Variants in RBM28 observed in about 807,000 individuals in gnomAD.
RBM28 encodes RNA-binding protein 28.
In RBM28, 78 loss-of-function variants were observed where a neutral mutation model predicts 98.3. The observed-to-expected ratio is 0.79, with a 90% CI of 0.66 to 0.96. RBM28 has a LOEUF of 0.96. Among genes scored for constraint, RBM28 ranks in the 40% least tolerant of loss-of-function variants. The pLI, the probability that RBM28 is intolerant of heterozygous loss-of-function variation, is 0.00. For synonymous variants in RBM28, 306 were observed against 330.9 expected, an observed-to-expected ratio of 0.92 and a Z score of 0.82; for missense variants, 838 against 913.0, an observed-to-expected ratio of 0.92 and a Z score of 1.06.
At position 128,305,963 on chromosome 7, in the gene RBM28, C is replaced by T. The variant is rs1795859471; in HGVS notation, c.*4834G>A. 2.6e-5 allele frequency: 4 copies of T among 152,236 alleles called. No homozygotes were observed. Among genetic ancestry groups the T allele is most frequent in the Admixed American group, 6.5e-5 (1 of 15,284 alleles). The allele number at this position is 152,236 out of a possible 1,614,324, so 9.4% of individuals were successfully genotyped here. A position where few individuals can be genotyped will look rare whatever the true frequency, so the allele number is the denominator to read the frequency against. On this transcript the variant is annotated 3_prime_UTR_variant, in exon 19 of 19. Transcript: ENST00000223073. Reference sequence around the variant, plus strand: ...TCAGGAGATGACTGTCTGGTACATCCTTTACCACCATTATCCTCAATCACC... The same window carrying T: ...TCAGGAGATGACTGTCTGGTACATCTTTTACCACCATTATCCTCAATCACC...
chr7:128,312,992 G>A, intron 18 of RBM28, 183 bp downstream of exon 18: 2 of 638,800 alleles, frequency 3.1e-6, no homozygotes, highest in Non-Finnish European at 5.5e-6. Context: ...CAGATACGTG[G>A]AGGTTCATTT....
chr7:128,332,488 G>A (rs550651541), intron 9 of RBM28, among the ~76,000 whole-genome samples: 1 of 151,976 alleles, frequency 6.6e-6, no homozygotes, highest in South Asian at 2.1e-4. Context: ...CCGAGTAGCT[G>A]GGATTACAGG....
chr7:128,317,195 A>G (rs1015682420), intron 16 of RBM28, among the ~76,000 whole-genome samples: 1 of 152,252 alleles, frequency 6.6e-6, no homozygotes, highest in African/African-American at 2.4e-5. Context: ...AAAAGGGCAG[A>G]GCCAGAGTAT....
chr7:128,300,187 T>C lies in RBM28; in HGVS notation c.*10610A>G, dbSNP rs970907565. 6.6e-6 allele frequency: 1 copy of C among 152,196 alleles called. No homozygotes were observed. The highest frequency in any genetic ancestry group is 2.4e-5 in the African/African-American group (1 of 41,438). The allele number at this position is 152,196 out of a possible 1,614,324, so 9.4% of individuals were successfully genotyped here. On this transcript the variant is annotated 3_prime_UTR_variant, in exon 19 of 19. Coordinates refer to ENST00000223073, the MANE Select transcript of RBM28 (RefSeq NM_018077.3). ...TGGCACATTTCACCCCTCCTCTCTT[T>C]GTGATTGGTTTTCACAAAGAAGCTC...
intron 1 of RBM28, among the ~76,000 whole-genome samples, chr7:128,342,537 C>T (rs181692257): frequency 2.6e-5 from 4 of 152,172 alleles, no homozygotes; most frequent in African/African-American, 9.7e-5. Context: ...CAAAAATTAG[C>T]CAGGTGTAGT....
At chr7:128,318,673 A>C (rs1425012917) in intron 14 of RBM28, among the ~76,000 whole-genome samples, 1 of 152,210 alleles carries the variant, frequency 6.6e-6, no homozygotes, top group African/African-American at 2.4e-5. Context: ...AAAAGCACAT[A>C]AACAAAACTT....
rs1795785588 is a variant in RBM28 at position 128,301,824 on chromosome 7, C to T, written c.*8973G>A. 6.6e-6 allele frequency: 1 copy of T among 152,282 alleles called. No individual in the cohort carries two copies. The highest frequency in any genetic ancestry group is 6.5e-5 in the Admixed American group (1 of 15,284). 9.4% of individuals were successfully genotyped at this position (152,282 alleles called of 1,614,324 possible). On this transcript the variant is annotated 3_prime_UTR_variant, in exon 19 of 19. Transcript: ENST00000223073. ...AGGGGGTGGCCAAGAGAAGGAAAGACACCCCCACAGGAAGGATGGGCCCAG... is the reference window on the plus strand; with the variant it reads ...AGGGGGTGGCCAAGAGAAGGAAAGATACCCCCACAGGAAGGATGGGCCCAG...
intron 10 of RBM28, among the ~76,000 whole-genome samples, chr7:128,327,149 G>T (rs1398876724): frequency 2.0e-5 from 3 of 151,900 alleles, no homozygotes; most frequent in African/African-American, 7.3e-5. Flanking sequence ...AGAAAGAAAA[G>T]AAAAGAAAAG....
chr7:128,305,999 C>T lies in RBM28; in HGVS notation c.*4798G>A, dbSNP rs1412867372. On this transcript the variant is annotated 3_prime_UTR_variant, in exon 19 of 19. Coordinates refer to ENST00000223073, the MANE Select transcript of RBM28 (RefSeq NM_018077.3). ...TTATCCTCAATCACCAATCACTAAG[C>T]ATTGCCATGTACCAGGCCCAGGGGC... 1.3e-5 allele frequency: 2 copies of T among 152,268 alleles called. No homozygotes were observed. Among genetic ancestry groups the T allele is most frequent in the African/African-American group, 4.8e-5 (2 of 41,456 alleles). The allele number at this position is 152,268 out of a possible 1,614,324, so 9.4% of individuals were successfully genotyped here.
At chr7:128,341,231 A>C (rs1300839004) in intron 1 of RBM28, 2 of 1,241,016 alleles carry the variant, frequency 1.6e-6, no homozygotes, top group Non-Finnish European at 2.1e-6. Flanking sequence ...TGGTTAAAGC[A>C]ACATAACATC....
intron 1 of RBM28, among the ~76,000 whole-genome samples, chr7:128,340,723 A>G (rs899236702): frequency 6.6e-6 from 1 of 152,250 alleles, no homozygotes; most frequent in Non-Finnish European, 1.5e-5. Flanking sequence ...AGATGTTATG[A>G]CCACTATTAC....
At position 128,306,777 on chromosome 7, in the gene RBM28, C is replaced by T. The variant is rs1795875519; in HGVS notation, c.*4020G>A. ...GAATTAGTTCCCAGTCTGTGCCTTCCAATCTTCCCAGTATATTCCTTTACC... is the reference window on the plus strand; with the variant it reads ...GAATTAGTTCCCAGTCTGTGCCTTCTAATCTTCCCAGTATATTCCTTTACC... On this transcript the variant is annotated 3_prime_UTR_variant, in exon 19 of 19. Coordinates refer to ENST00000223073, the MANE Select transcript of RBM28 (RefSeq NM_018077.3). 6.6e-6 allele frequency: 1 copy of T among 152,416 alleles called. No individual in the cohort carries two copies. Among genetic ancestry groups the T allele is most frequent in the South Asian group, 2.1e-4 (1 of 4,830 alleles). 9.4% of individuals were successfully genotyped at this position (152,416 alleles called of 1,614,324 possible). A position where few individuals can be genotyped will look rare whatever the true frequency, so the allele number is the denominator to read the frequency against.
intron 11 of RBM28, 30 bp from the exon 12 acceptor site, chr7:128,324,724 C>T: frequency 6.2e-7 from 1 of 1,613,906 alleles, no homozygotes; most frequent in Non-Finnish European, 8.5e-7. Context: ...TTTCTTAAAA[C>T]ACATAATGGC....
intron 8 of RBM28, 47 bp downstream of exon 8, chr7:128,335,496 A>G (rs1225517418): frequency 1.2e-6 from 2 of 1,611,606 alleles, no homozygotes; most frequent in Admixed American, 3.3e-5. Flanking sequence ...CCGTAACTTC[A>G]GTAACTTTTT....
rs749527308 is a variant in RBM28 at position 128,321,373 on chromosome 7, G to A, written c.1456C>T (p.Arg486Ter). 12 of 1,614,144 alleles carry A rather than the reference G, an allele frequency of 7.4e-6. No homozygotes were observed. The highest frequency in any genetic ancestry group is 4.4e-5 in the South Asian group (4 of 91,070). The change falls in exon 14 of 19, where the codon CGA (arginine) becomes TGA (stop). Residue 486 changes from arginine to a stop codon, truncating the protein, a stop_gained. Transcript: ENST00000223073. LOFTEE classifies it high-confidence loss of function. Reference sequence around the variant, plus strand: ...AGATTGTGCAGGCAGAGCCTGGTTCGGGAGACAAAGATATTCTGGTCCTTG... The same window carrying A: ...AGATTGTGCAGGCAGAGCCTGGTTCAGGAGACAAAGATATTCTGGTCCTTG... Reference protein sequence around the residue: ...KLKDQNIFVSRTRLCLHNLPK... With the variant: ...KLKDQNIFVS
At position 128,309,469 on chromosome 7, in the gene RBM28, C is replaced by T. The variant is rs147184091; in HGVS notation, c.*1328G>A. On this transcript the variant is annotated 3_prime_UTR_variant, in exon 19 of 19. Coordinates refer to ENST00000223073, the MANE Select transcript of RBM28 (RefSeq NM_018077.3). ...TCAACATGGTGAAACCCCATCTCTACTAAAAATACAAAATTTAGCCAAGAA... is the reference window on the plus strand; with the variant it reads ...TCAACATGGTGAAACCCCATCTCTATTAAAAATACAAAATTTAGCCAAGAA... 6.5e-4 allele frequency: 98 copies of T among 151,902 alleles called. No homozygotes were observed. Among genetic ancestry groups the T allele is most frequent in the African/African-American group, 2.2e-3 (91 of 41,444 alleles). 9.4% of individuals were successfully genotyped at this position (151,902 alleles called of 1,614,324 possible).
chr7:128,314,683 A>C, intron 17 of RBM28, 81 bp downstream of exon 17: 1 of 1,600,046 alleles, frequency 6.2e-7, no homozygotes, highest in Non-Finnish European at 8.6e-7. Context: ...AACAAATGCC[A>C]CAAAGAGAAA....
chr7:128,315,061 C>T (rs745592543), intron 16 of RBM28, 41 bp from the exon 17 acceptor site: 1 of 1,613,674 alleles, frequency 6.2e-7, no homozygotes. Context: ...TCTGGATGAG[C>T]TTTGTTTGCT....
chr7:128,331,147 A>G (rs541837351), intron 9 of RBM28, among the ~76,000 whole-genome samples: 1 of 152,294 alleles, frequency 6.6e-6, no homozygotes, highest in East Asian at 1.9e-4. Context: ...GACACATACA[A>G]AGACCAGAAA....
Sources: allele counts gnomAD v4.1 joint callset (sites outside exome capture counted in the v4.1 genomes callset), GRCh38; gene constraint gnomAD v4.1.1; transcripts MANE v1.5; gene names NCBI Gene and HGNC (gene_info 2026-07-23, HGNC 2026-07-21).